Variants in PRMT9 observed in about 807,000 individuals in gnomAD.
PRMT9 encodes the protein protein arginine methyltransferase 9, also known as protein arginine N-methyltransferase 9.
A neutral mutation model predicts 83.2 loss-of-function variants in PRMT9; 59 were observed. The ratio of observed to expected loss-of-function variants is 0.71; its 90% confidence interval spans 0.57 to 0.88. PRMT9 has a LOEUF of 0.88. Among genes scored for constraint, PRMT9 ranks in the 40% least tolerant of loss-of-function variants. The pLI is 0.00. For synonymous variants in PRMT9, 333 were observed against 353.2 expected (o/e 0.94, Z 0.64); for missense variants, 947 against 1,021.9 (o/e 0.93, Z 1.00).
At chr4:147,659,071 C>T (rs1169496378) in intron 7 of PRMT9, among the ~76,000 whole-genome samples, 1 of 151,796 alleles carries the variant, frequency 6.6e-6, no homozygotes, top group Non-Finnish European at 1.5e-5. Flanking sequence ...CCCAGCTACT[C>T]GGGAGGCTGA....
At chr4:147,643,897 T>A (rs942484973) in intron 9 of PRMT9, among the ~76,000 whole-genome samples, 2 of 152,098 alleles carry the variant, frequency 1.3e-5, no homozygotes, top group African/African-American at 4.8e-5. Flanking sequence ...CAGGCTGAGA[T>A]GGGAGGATCG....
At chr4:147,653,365 C>T (rs1442860144) in intron 9 of PRMT9, among the ~76,000 whole-genome samples, 1 of 151,702 alleles carries the variant, frequency 6.6e-6, no homozygotes, top group Non-Finnish European at 1.5e-5. Flanking sequence ...TCGTTTGAAC[C>T]CAGGAGGCGG....
intron 2 of PRMT9, among the ~76,000 whole-genome samples, chr4:147,675,253 TAC>T (rs1446263467): frequency 6.6e-5 from 10 of 152,200 alleles, no homozygotes; most frequent in African/African-American, 2.4e-4. Context: ...GTGCTGAGAT[TAC>T]AGGCGTGAGC....
intron 10 of PRMT9, among the ~76,000 whole-genome samples, chr4:147,641,085 T>G (rs1259486541): frequency 6.6e-6 from 1 of 152,186 alleles, no homozygotes; most frequent in Non-Finnish European, 1.5e-5. Context: ...TCAAAGCCAC[T>G]GACACCTCTC....
chr4:147,681,356 C>T (rs991518003), intron 1 of PRMT9, among the ~76,000 whole-genome samples: 1 of 152,234 alleles, frequency 6.6e-6, no homozygotes, highest in Non-Finnish European at 1.5e-5. Flanking sequence ...TCCATCCATT[C>T]TCCATGCTGC....
intron 4 of PRMT9, chr4:147,671,724 A>C (rs1016688596): frequency 2.6e-6 from 1 of 386,798 alleles, no homozygotes; most frequent in African/African-American, 2.1e-5. Context: ...AAATAAATTA[A>C]TAATAGTCTA....
chr4:147,670,753 G>A lies in PRMT9; in HGVS notation c.744-10C>T, dbSNP rs1005961173. The stretch of plus-strand genomic sequence containing the variant: ...TACAACTAGGGACACTCTATAGAAT[G>A]ATTTTTTAAAGATATATGTAAGTAA... On this transcript the variant is annotated splice_polypyrimidine_tract_variant and intron_variant, in intron 4 of 11. Transcript: ENST00000322396. 6.5e-7 allele frequency: 1 copy of A among 1,549,358 alleles called. No individual in the cohort carries two copies. The highest frequency in any genetic ancestry group is 8.9e-7 in the Non-Finnish European group (1 of 1,122,072).
Position 147,660,921 on chromosome 4 carries a change from C to T in PRMT9, c.1071G>A (p.Met357Ile). 1 of 1,613,612 alleles carries T rather than the reference C, an allele frequency of 6.2e-7. No homozygotes were observed. The highest frequency in any genetic ancestry group is 8.5e-7 in the Non-Finnish European group (1 of 1,179,596). Residue 357 changes from methionine to isoleucine, a missense_variant, in exon 7 of 12, where the codon ATG becomes ATA. Transcript: ENST00000322396. ...CCAAATATCCTCCAGGAACTCGACT[C>T]ATCTTTTCAGTTGTATAAGGTTCAA... ...ETIEPYTTEKMSRVPGGYLAL... is the reference protein window; with the variant it reads ...ETIEPYTTEKISRVPGGYLAL...
chr4:147,677,215 TAAAAC>T (rs1259778898), intron 2 of PRMT9, among the ~76,000 whole-genome samples: 1 of 151,942 alleles, frequency 6.6e-6, no homozygotes, highest in Non-Finnish European at 1.5e-5. Flanking sequence ...TTAGATGTAT[TAAAAC>T]AAACCCAAAA....
intron 1 of PRMT9, among the ~76,000 whole-genome samples, chr4:147,682,730 T>C (rs772015961): frequency 4.6e-5 from 7 of 152,260 alleles, no homozygotes; most frequent in South Asian, 2.1e-4. Context: ...CATTTTTCTA[T>C]TGCTGCCTAC....
chr4:147,642,362 C>T (rs966164066), intron 10 of PRMT9, among the ~76,000 whole-genome samples: 5 of 152,062 alleles, frequency 3.3e-5, no homozygotes, highest in Admixed American at 6.5e-5. Context: ...CCTCAGTTTC[C>T]AGAGGAGCTG....
intron 9 of PRMT9, among the ~76,000 whole-genome samples, chr4:147,649,502 T>C (rs1012578770): frequency 3.9e-5 from 6 of 152,068 alleles, no homozygotes; most frequent in Non-Finnish European, 8.8e-5. Context: ...AACTTAAGAA[T>C]GAACTTTTTT....
chr4:147,639,217 T>C, intron 10 of PRMT9, 135 bp from the exon 11 acceptor site: 1 of 743,216 alleles, frequency 1.3e-6, no homozygotes, highest in Admixed American at 2.5e-5. Context: ...AGAATGCTTT[T>C]TACATTACCT....
chr4:147,644,670 G>A (rs534592093), intron 9 of PRMT9, among the ~76,000 whole-genome samples: 20 of 152,216 alleles, frequency 1.3e-4, no homozygotes, highest in African/African-American at 4.6e-4. Flanking sequence ...AGTGTAACCA[G>A]GTGTTCATAT....
Position 147,638,704 on chromosome 4 carries a change from C to G in PRMT9, c.2366G>C (p.Trp789Ser), listed in dbSNP as rs1733172266. 1 of 1,613,378 alleles carries G rather than the reference C, an allele frequency of 6.2e-7. No homozygotes were observed. Among genetic ancestry groups the G allele is most frequent in the Non-Finnish European group, 8.5e-7 (1 of 1,179,578 alleles). ...CTCTTCATCAAGGTACATATGATAC[C>G]AAAATGGAATAGCAGTCAGTCTTCC... ...KSGRLTAIPF[W>S]YHMYLDEEIR... Residue 789 changes from tryptophan (W) to serine (S), a missense_variant, in exon 12 of 12, where the codon TGG becomes TCG. Transcript: ENST00000322396.
intron 6 of PRMT9, among the ~76,000 whole-genome samples, chr4:147,667,970 A>C (rs142433413): frequency 2.8e-5 from 4 of 141,792 alleles, no homozygotes; most frequent in Non-Finnish European, 4.6e-5. Context: ...GGCTTTAACC[A>C]TGAAGTTTCA....
intron 4 of PRMT9, among the ~76,000 whole-genome samples, chr4:147,671,635 T>A (rs777221049): frequency 2.0e-5 from 3 of 152,344 alleles, no homozygotes; most frequent in African/African-American, 4.8e-5. Flanking sequence ...GTATTTATGA[T>A]TGCATACACT....
At chr4:147,668,263 G>C (rs1374418334) in intron 6 of PRMT9, among the ~76,000 whole-genome samples, 1 of 152,198 alleles carries the variant, frequency 6.6e-6, no homozygotes, top group Admixed American at 6.5e-5. Flanking sequence ...TCTCATGATA[G>C]GGAGTGAATT....
intron 10 of PRMT9, among the ~76,000 whole-genome samples, chr4:147,641,766 A>G (rs1733418900): frequency 6.6e-6 from 1 of 152,118 alleles, no homozygotes; most frequent in Non-Finnish European, 1.5e-5. Context: ...GGCTCAAGCA[A>G]TTCTCCTACC....
Sources: allele counts gnomAD v4.1 joint callset (sites outside exome capture counted in the v4.1 genomes callset), GRCh38; gene constraint gnomAD v4.1.1; transcripts MANE v1.5; gene names NCBI Gene and HGNC (gene_info 2026-07-23, HGNC 2026-07-21).